Variants in VGLL2 observed in about 807,000 individuals in gnomAD.
The protein encoded by VGLL2 is transcription cofactor vestigial-like protein 2.
VGLL2 carries 18 observed loss-of-function variants against 27.0 expected under a neutral mutation model. That is an observed-to-expected ratio of 0.67 (90% CI 0.46 to 0.99). The LOEUF is 0.99. VGLL2 is among the 50% of genes least tolerant of loss of function. The pLI, the probability that VGLL2 is intolerant of heterozygous loss-of-function variation, is 0.00. For missense variants in VGLL2, 491 were observed against 452.3 expected (o/e 1.09, Z -0.78); for synonymous variants, 220 against 201.1 (o/e 1.09, Z -0.80).
rs1773224348 is a variant in VGLL2, at chr6:117,272,563, C to G, written c.*69C>G. 11 of 1,610,742 alleles carry G rather than the reference C, an allele frequency of 6.8e-6. No homozygotes were observed. The Admixed American group carries it at 1.8e-4, about 27-fold the overall frequency. On this transcript the variant is annotated 3_prime_UTR_variant, in exon 4 of 4. Transcript: ENST00000326274. ...CCTTGGAGGCTCAGCATCTGTGCCT[C>G]TCACTCCGTGGATGAGGACATGGGG... is the stretch of plus-strand genomic sequence containing the variant.
chr6:117,267,373 ACTTT>A (rs1288941575), intron 1 of VGLL2, among the ~76,000 whole-genome samples: 2 of 152,136 alleles, frequency 1.3e-5, no homozygotes, highest in African/African-American at 4.8e-5. Context: ...CAGGATCTTA[ACTTT>A]CTTCTGTCTG....
At position 117,273,165 on chromosome 6, in the gene VGLL2, C is replaced by T. The variant is rs2084808433; in HGVS notation, c.*671C>T. On this transcript the variant is annotated 3_prime_UTR_variant, in exon 4 of 4. Transcript: ENST00000326274. ...ACTGTTGAAAACTCCAGAAATACATCACCCAAGGTGGCAGTTCTCAGTATT... is the reference window on the plus strand; with the variant it reads ...ACTGTTGAAAACTCCAGAAATACATTACCCAAGGTGGCAGTTCTCAGTATT... 6.5e-6 allele frequency: 1 copy of T among 152,770 alleles called. No homozygotes were observed. Among genetic ancestry groups the T allele is most frequent in the Non-Finnish European group, 1.5e-5 (1 of 68,170 alleles). The allele number at this position is 152,770 out of a possible 1,614,324, so 9.5% of individuals were successfully genotyped here. A position where few individuals can be genotyped will look rare whatever the true frequency, so the allele number is the denominator to read the frequency against.
At position 117,270,644 on chromosome 6, in the gene VGLL2, G is replaced by C; in HGVS notation, c.493G>C (p.Ala165Pro). 2 of 1,579,690 alleles carry C rather than the reference G, an allele frequency of 1.3e-6. No individual in the cohort carries two copies. The highest frequency in any genetic ancestry group is 1.4e-5 in the African/African-American group (1 of 72,946). The change falls in exon 3 of 4, where the codon GCG (alanine) becomes CCG (proline). Residue 165 changes from alanine to proline, a missense_variant. Coordinates refer to ENST00000326274, the MANE Select transcript of VGLL2 (RefSeq NM_182645.3). ...GCCGCTGGGCAGCCCTCTGGCCACC[G>C]CGCACTCGGAGCTGCCCTTCGCCGC... ...PPPLGSPLATAHSELPFAAAD... is the reference protein window; with the variant it reads ...PPPLGSPLATPHSELPFAAAD...
In VGLL2 at chr6:117,265,684, C is replaced by A. The variant is rs978320561; in HGVS notation, c.-80C>A. On this transcript the variant is annotated 5_prime_UTR_variant, in exon 1 of 4. Coordinates refer to ENST00000326274, the MANE Select transcript of VGLL2 (RefSeq NM_182645.3). ...GATGACTCCAGAGCGCGGGTCCAAG[C>A]GCCGCCCATGCAGCACCCCTGAGCT... 1.6e-6 allele frequency: 2 copies of A among 1,277,140 alleles called. No individual in the cohort carries two copies. The highest frequency in any genetic ancestry group is 1.5e-5 in the African/African-American group (1 of 68,534). 79.1% of individuals were successfully genotyped at this position (1,277,140 alleles called of 1,614,324 possible).
intron 2 of VGLL2, 49 bp downstream of exon 2, chr6:117,268,540 C>G: frequency 6.7e-7 from 1 of 1,496,774 alleles, no homozygotes; most frequent in Non-Finnish European, 8.9e-7. Flanking sequence ...TCCTCTCAGC[C>G]TGGGGTTCAC....
chr6:117,271,327 A>AATG (rs561054663), intron 3 of VGLL2, among the ~76,000 whole-genome samples: 6,759 of 139,170 alleles, frequency 0.049, 174 homozygotes, highest in Non-Finnish European at 0.058. Flanking sequence ...TAATAATGAT[A>AATG]ATAATAATAA....
intron 2 of VGLL2, among the ~76,000 whole-genome samples, chr6:117,268,759 G>C (rs1233584712): frequency 6.6e-6 from 1 of 152,168 alleles, no homozygotes; most frequent in African/African-American, 2.4e-5. Flanking sequence ...CCTTGGGCAA[G>C]TCTCAACCTC....
chr6:117,266,065 G>C (rs1773061970), intron 1 of VGLL2, among the ~76,000 whole-genome samples: 1 of 152,238 alleles, frequency 6.6e-6, no homozygotes, highest in African/African-American at 2.4e-5. Context: ...GCTAAGCCCT[G>C]CTAATGTGAG....
At position 117,265,655 on chromosome 6, in the gene VGLL2, G is replaced by A; in HGVS notation, c.-109G>A. The A allele has an allele frequency of 1.1e-6, 1 of 903,126 alleles. No homozygotes were observed. The highest frequency in any genetic ancestry group is 1.8e-6 in the Non-Finnish European group (1 of 561,340). 55.9% of individuals were successfully genotyped at this position (903,126 alleles called of 1,614,324 possible). A position where few individuals can be genotyped will look rare whatever the true frequency, so the allele number is the denominator to read the frequency against. The stretch of plus-strand genomic sequence containing the variant: ...CCGCGGAGCGCGCTGGCTTTGCTCC[G>A]CCTGATGACTCCAGAGCGCGGGTCC... On this transcript the variant is annotated 5_prime_UTR_variant, in exon 1 of 4. Transcript: ENST00000326274.
Position 117,265,779 on chromosome 6 carries a change from G to GTTA in VGLL2, c.18_20dup (p.Val6_Met7insIle). 1 of 1,614,136 alleles carries GTTA rather than the reference G, an allele frequency of 6.2e-7. No individual in the cohort carries two copies. The highest frequency in any genetic ancestry group is 1.1e-5 in the South Asian group (1 of 91,080). On this transcript the variant is annotated inframe_insertion, in exon 1 of 4. Coordinates refer to ENST00000326274, the MANE Select transcript of VGLL2 (RefSeq NM_182645.3). Reference sequence around the variant, plus strand: ...GCGGAGAGTCATGAGCTGTCTGGATGTTATGTACCAAGTCTATGGTCCTCC... The same window carrying GTTA: ...GCGGAGAGTCATGAGCTGTCTGGATGTTATTATGTACCAAGTCTATGGTCCTCC...
At position 117,272,739 on chromosome 6, in the gene VGLL2, T is replaced by A. The variant is rs1773227629; in HGVS notation, c.*245T>A. ...TTTTGGCCGAATCACTGGAAATATCTGTGGTGAGATTGCTGAGTCAGGTGA... is the reference window on the plus strand; with the variant it reads ...TTTTGGCCGAATCACTGGAAATATCAGTGGTGAGATTGCTGAGTCAGGTGA... On this transcript the variant is annotated 3_prime_UTR_variant, in exon 4 of 4. Transcript: ENST00000326274. 4 of 556,846 alleles carry A rather than the reference T, an allele frequency of 7.2e-6. No individual in the cohort carries two copies. Among genetic ancestry groups the A allele is most frequent in the Non-Finnish European group, 1.2e-5 (4 of 321,582 alleles). 34.5% of individuals were successfully genotyped at this position (556,846 alleles called of 1,614,324 possible).
At position 117,265,575 on chromosome 6, in the gene VGLL2, C is replaced by T; in HGVS notation, c.-189C>T. ...GCTCAGGCGCTTCTGCCCTGGAGCGCGGTCGGGAGTAAAATCGCAGGAGTG... is the reference window on the plus strand; with the variant it reads ...GCTCAGGCGCTTCTGCCCTGGAGCGTGGTCGGGAGTAAAATCGCAGGAGTG... On this transcript the variant is annotated 5_prime_UTR_variant, in exon 1 of 4. Coordinates refer to ENST00000326274, the MANE Select transcript of VGLL2 (RefSeq NM_182645.3). 1 of 596,282 alleles carries T rather than the reference C, an allele frequency of 1.7e-6. No homozygotes were observed. The allele number at this position is 596,282 out of a possible 1,614,324, so 36.9% of individuals were successfully genotyped here. A position where few individuals can be genotyped will look rare whatever the true frequency, so the allele number is the denominator to read the frequency against.
Position 117,268,500 on chromosome 6 carries a change from A to T in VGLL2, c.391+9A>T. 1.3e-6 allele frequency: 2 copies of T among 1,591,876 alleles called. No homozygotes were observed. Among genetic ancestry groups the T allele is most frequent in the Non-Finnish European group, 1.7e-6 (2 of 1,168,804 alleles). ...CTCTGGGCCCTGGCGAGGTGAGTATAGGGCCCTGCTGGGAAGGACCCATAG... is the reference window on the plus strand; with the variant it reads ...CTCTGGGCCCTGGCGAGGTGAGTATTGGGCCCTGCTGGGAAGGACCCATAG... On this transcript the variant is annotated intron_variant, in intron 2 of 3. Transcript: ENST00000326274.
At position 117,270,820 on chromosome 6, in the gene VGLL2, C is replaced by T. The variant is rs774081802; in HGVS notation, c.669C>T (p.Arg223=). Reference sequence around the variant, plus strand: ...GCGCCCAGGCCGCCCCCTACCCGCGCCCCGCCGCCGTGCACGAAGTCTACG... The same window carrying T: ...GCGCCCAGGCCGCCCCCTACCCGCGTCCCGCCGCCGTGCACGAAGTCTACG... The part of the protein sequence containing the change: ...ALGAQAAPYP[R]PAAVHEVYAP... The change falls in exon 3 of 4, where the codon CGC becomes CGT. Residue 223 remains arginine, a synonymous_variant. Transcript: ENST00000326274. 188 of 1,431,918 alleles carry T rather than the reference C, an allele frequency of 1.3e-4. No homozygotes were observed. The highest frequency in any genetic ancestry group is 2.5e-4 in the Middle Eastern group (1 of 4,002). 88.7% of individuals were successfully genotyped at this position (1,431,918 alleles called of 1,614,324 possible). A position where few individuals can be genotyped will look rare whatever the true frequency, so the allele number is the denominator to read the frequency against.
Position 117,265,872 on chromosome 6 carries a change from A to T in VGLL2, c.81+28A>T, listed in dbSNP as rs371538622. On this transcript the variant is annotated intron_variant, in intron 1 of 3. Transcript: ENST00000326274. Reference sequence around the variant, plus strand: ...ACGTGTCTCCTCTGGGGACTTTGGGAAGGAGTGCGCGCCCCCCGTTTGCGG... The same window carrying T: ...ACGTGTCTCCTCTGGGGACTTTGGGTAGGAGTGCGCGCCCCCCGTTTGCGG... 1.2e-5 allele frequency: 20 copies of T among 1,600,434 alleles called. No homozygotes were observed. The African/African-American group carries it at 2.4e-4, about 19-fold the overall frequency.
At chr6:117,268,805 G>A (rs1028624137) in intron 2 of VGLL2, among the ~76,000 whole-genome samples, 3 of 152,136 alleles carry the variant, frequency 2.0e-5, no homozygotes, top group African/African-American at 7.2e-5. Context: ...TCTTAAAGTA[G>A]AATAACACTT....
Position 117,265,564 on chromosome 6 carries a change from G to A in VGLL2, c.-200G>A. On this transcript the variant is annotated 5_prime_UTR_variant, in exon 1 of 4. Coordinates refer to ENST00000326274, the MANE Select transcript of VGLL2 (RefSeq NM_182645.3). ...CACTAGCGGGAGCTCAGGCGCTTCTGCCCTGGAGCGCGGTCGGGAGTAAAA... is the reference window on the plus strand; with the variant it reads ...CACTAGCGGGAGCTCAGGCGCTTCTACCCTGGAGCGCGGTCGGGAGTAAAA... The A allele has an allele frequency of 1.7e-6, 1 of 579,500 alleles. No individual in the cohort carries two copies. Among genetic ancestry groups the A allele is most frequent in the South Asian group, 2.0e-5 (1 of 49,708 alleles). 35.9% of individuals were successfully genotyped at this position (579,500 alleles called of 1,614,324 possible). A position where few individuals can be genotyped will look rare whatever the true frequency, so the allele number is the denominator to read the frequency against.
Position 117,271,000 on chromosome 6 carries a change from CG to C in VGLL2, c.854del (p.Gly285AspfsTer32), listed in dbSNP as rs1216571184. On this transcript the variant is annotated frameshift_variant, in exon 3 of 4. Transcript: ENST00000326274. ...CGGCGGGCGCCGCGTGGGCCGGGCC[CG>C]GGGGACCCTTCGCGAGCCCCTCGGG... ...EPAGAAWAGPGGPFASPSGDV... is the reference protein window; with the variant it reads ...EPAGAAWAGPXGPFASPSGDV... 1.6e-6 allele frequency: 2 copies of C among 1,231,962 alleles called. No homozygotes were observed. Among genetic ancestry groups the C allele is most frequent in the Non-Finnish European group, 2.0e-6 (2 of 990,450 alleles). The allele number at this position is 1,231,962 out of a possible 1,614,324, so 76.3% of individuals were successfully genotyped here. A position where few individuals can be genotyped will look rare whatever the true frequency, so the allele number is the denominator to read the frequency against.
chr6:117,266,664 G>A (rs2128516410), intron 1 of VGLL2, among the ~76,000 whole-genome samples: 1 of 152,260 alleles, frequency 6.6e-6, no homozygotes, highest in East Asian at 1.9e-4. Flanking sequence ...TTCCTCAGCT[G>A]AGGTAGCAGA....
Sources: gnomAD v4.1 joint callset for allele counts (sites outside exome capture counted in the v4.1 genomes callset) on GRCh38, gnomAD v4.1.1 for gene constraint, MANE v1.5 for transcripts, NCBI Gene and HGNC (gene_info 2026-07-23, HGNC 2026-07-21) for gene names.